The following SPAG16 variants were observed in gnomAD, a reference collection of about 807,000 sequenced individuals.
SPAG16 encodes sperm associated antigen 16, also known as sperm-associated antigen 16 protein.
Under a neutral mutation model 80.4 loss-of-function variants are expected in SPAG16, and 86 were observed. That is an observed-to-expected ratio of 1.07 (90% CI 0.90 to 1.28). SPAG16 has a LOEUF of 1.28. SPAG16 is among the 50% of genes most tolerant of loss of function. The pLI, the probability that SPAG16 is intolerant of heterozygous loss-of-function variation, is 0.00. For synonymous variants in SPAG16, 294 were observed against 265.9 expected (o/e 1.11, Z -1.03); for missense variants, 870 against 765.3 (o/e 1.14, Z -1.61).
chr2:214,093,361 T>G (rs574933910), intron 13 of SPAG16, among the ~76,000 whole-genome samples: 1 of 152,186 alleles, frequency 6.6e-6, no homozygotes, highest in East Asian at 1.9e-4. Flanking sequence ...TAGTAATGCT[T>G]GTATTTTCTT....
In SPAG16 at chr2:214,014,024, A is replaced by G. The variant is rs2047456051; in HGVS notation, c.1474A>G (p.Thr492Ala). 1.2e-6 allele frequency: 2 copies of G among 1,613,424 alleles called. No homozygotes were observed. Among genetic ancestry groups the G allele is most frequent in the Admixed American group, 3.3e-5 (2 of 59,988 alleles). ...NSIEFFPFSN[T>A]LLTSSADKTL... ...CATTGAGTTTTTTCCTTTCTCCAAT[A>G]CTCTTCTCACAAGCTCTGCAGACAA... The change falls in exon 13 of 16, where the codon ACT (threonine) becomes GCT (alanine). Residue 492 changes from threonine to alanine, a missense_variant. Thr to Ala is a moderately conservative substitution (Grantham distance 58). Coordinates refer to ENST00000331683, the MANE Select transcript of SPAG16 (RefSeq NM_024532.5).
chr2:213,468,605 A>G (rs1366053979), intron 9 of SPAG16, among the ~76,000 whole-genome samples: 1 of 144,814 alleles, frequency 6.9e-6, no homozygotes, highest in Non-Finnish European at 1.5e-5. Flanking sequence ...ATATATATCT[A>G]TGTATTTATA....
intron 10 of SPAG16, among the ~76,000 whole-genome samples, chr2:213,497,090 T>C (rs933330014): frequency 1.3e-5 from 2 of 151,988 alleles, no homozygotes; most frequent in Non-Finnish European, 2.9e-5. Flanking sequence ...TACAGAATAA[T>C]TTAAAATATT....
intron 5 of SPAG16, among the ~76,000 whole-genome samples, chr2:213,318,206 C>T (rs747104915): frequency 2.0e-5 from 3 of 151,924 alleles, no homozygotes; most frequent in East Asian, 1.9e-4. Context: ...CACACTCTTA[C>T]GTTTATTGCA....
chr2:213,416,692 T>TA (rs1451337970), intron 9 of SPAG16, among the ~76,000 whole-genome samples: 1 of 152,184 alleles, frequency 6.6e-6, no homozygotes, highest in Admixed American at 6.5e-5. Flanking sequence ...GGGTGGGGGC[T>TA]AAAGAGGAGC....
At chr2:213,503,340 G>A (rs1303364421) in intron 10 of SPAG16, among the ~76,000 whole-genome samples, 2 of 152,134 alleles carry the variant, frequency 1.3e-5, no homozygotes, top group African/African-American at 4.8e-5. Context: ...TGTTTTCACA[G>A]TGCTTCCTTT....
intron 12 of SPAG16, among the ~76,000 whole-genome samples, chr2:213,932,198 A>ATATT (rs2078791434): frequency 1.0e-5 from 1 of 99,788 alleles, no homozygotes; most frequent in African/African-American, 4.5e-5. Context: ...ATATATATAT[A>ATATT]TTTGTTGTTG....
chr2:213,565,082 G>A (rs779172863), intron 10 of SPAG16, among the ~76,000 whole-genome samples: 1 of 152,154 alleles, frequency 6.6e-6, no homozygotes, highest in African/African-American at 2.4e-5. Context: ...CAAATAAGAT[G>A]TGTCAGTGTT....
intron 15 of SPAG16, among the ~76,000 whole-genome samples, chr2:214,244,160 T>G (rs1689681112): frequency 1.3e-5 from 2 of 152,040 alleles, no homozygotes; most frequent in Non-Finnish European, 2.9e-5. Context: ...TAAAAAATAC[T>G]GAAAAATATT....
chr2:214,274,385 G>A (rs927433522), intron 15 of SPAG16, among the ~76,000 whole-genome samples: 3 of 152,282 alleles, frequency 2.0e-5, no homozygotes, highest in African/African-American at 7.2e-5. Context: ...TTTTCAGAGG[G>A]AATGATTCCA....
At chr2:213,863,346 A>C (rs574585129) in intron 11 of SPAG16, among the ~76,000 whole-genome samples, 1 of 151,968 alleles carries the variant, frequency 6.6e-6, no homozygotes, top group South Asian at 2.1e-4. Context: ...TTCTTTTGGA[A>C]ATTTTGTTCT....
At chr2:213,629,469 T>A (rs1301297987) in intron 10 of SPAG16, among the ~76,000 whole-genome samples, 1 of 152,252 alleles carries the variant, frequency 6.6e-6, no homozygotes, top group Non-Finnish European at 1.5e-5. Context: ...TGACTTTATG[T>A]TCTTCAGAAT....
At chr2:213,983,462 A>T (rs2045864999) in intron 12 of SPAG16, among the ~76,000 whole-genome samples, 1 of 151,960 alleles carries the variant, frequency 6.6e-6, no homozygotes, top group African/African-American at 2.4e-5. Flanking sequence ...TATTATTTTA[A>T]TAAATGTCAT....
At chr2:213,452,009 TAAAG>T (rs1411252161) in intron 9 of SPAG16, among the ~76,000 whole-genome samples, 3 of 151,736 alleles carry the variant, frequency 2.0e-5, no homozygotes, top group African/African-American at 2.4e-5. Context: ...TTTGTGTGCT[TAAAG>T]AAAGGGAGAT....
intron 10 of SPAG16, among the ~76,000 whole-genome samples, chr2:213,688,113 T>C (rs112316531): frequency 0.05 from 7,607 of 152,192 alleles, 612 homozygotes; most frequent in African/African-American, 0.17. Flanking sequence ...GGGGGGAGGA[T>C]TTCCAGGCTA....
At chr2:213,694,486 C>T (rs554877132) in intron 10 of SPAG16, among the ~76,000 whole-genome samples, 5 of 152,180 alleles carry the variant, frequency 3.3e-5, no homozygotes, top group East Asian at 1.9e-4. Context: ...TTCTAGTATA[C>T]GTGGAAATGT....
chr2:213,992,963 T>C (rs1479279682), intron 12 of SPAG16, among the ~76,000 whole-genome samples: 1 of 152,042 alleles, frequency 6.6e-6, no homozygotes, highest in Non-Finnish European at 1.5e-5. Context: ...TGAAGGAGGG[T>C]GGTCATACCA....
intron 10 of SPAG16, among the ~76,000 whole-genome samples, chr2:213,532,213 T>G (rs891610834): frequency 2.6e-5 from 4 of 152,182 alleles, no homozygotes; most frequent in African/African-American, 9.6e-5. Context: ...TATGATTTCT[T>G]TTTTAAAAAC....
chr2:213,749,053 A>C (rs965045876), intron 10 of SPAG16, among the ~76,000 whole-genome samples: 1 of 152,100 alleles, frequency 6.6e-6, no homozygotes, highest in Non-Finnish European at 1.5e-5. Flanking sequence ...AGGCTGAGGC[A>C]GGAGCATTGC....
Sources: allele counts gnomAD v4.1 joint callset (sites outside exome capture counted in the v4.1 genomes callset), GRCh38; gene constraint gnomAD v4.1.1; transcripts MANE v1.5; gene names NCBI Gene and HGNC (gene_info 2026-07-23, HGNC 2026-07-21).